AKAP6: variants seen among roughly 807,000 people sequenced by gnomAD.
AKAP6 encodes A-kinase anchor protein 6.
Under a neutral mutation model 188.5 loss-of-function variants are expected in AKAP6, and 58 were observed. The observed-to-expected ratio is 0.31, with a 90% confidence interval of 0.25 to 0.38. AKAP6 has a LOEUF of 0.38. Among genes scored for constraint, AKAP6 ranks in the 10% least tolerant of loss-of-function variants. The probability of loss-of-function intolerance (pLI) is 1.00; values close to 1 mark genes in which losing one functional copy is unlikely to be tolerated. For missense variants in AKAP6, 2,710 were observed against 2,740.0 expected (o/e 0.99, Z 0.24); for synonymous variants, 989 against 998.6 (o/e 0.99, Z 0.18).
At chr14:32,811,241 G>GAAAAAAAAAAAAAAAAAAAAA (rs529886144) in intron 12 of AKAP6, among the ~76,000 whole-genome samples, 7 of 55,584 alleles carry the variant, frequency 1.3e-4, no homozygotes, top group East Asian at 7.6e-4. Flanking sequence ...TCCGTCTCAG[G>GAAAAAAAAAAAAAAAAAAAAA]AAAAAAAAAA....
At chr14:32,343,884 CCTTTTCTCTAGCT>C (rs1281560260) in intron 1 of AKAP6, among the ~76,000 whole-genome samples, 1 of 152,016 alleles carries the variant, frequency 6.6e-6, no homozygotes, top group East Asian at 1.9e-4. Context: ...ACAACCTTTG[CCTTTTCTCTAGCT>C]CTCTGTGGTC....
At chr14:32,537,125 A>G (rs574163731) in intron 3 of AKAP6, among the ~76,000 whole-genome samples, 2 of 152,306 alleles carry the variant, frequency 1.3e-5, no homozygotes, top group South Asian at 2.1e-4. Context: ...CTCATAAATC[A>G]TTTATTGTTG....
chr14:32,786,296 A>ATGTTTTGTTTTTTTTTTT, intron 12 of AKAP6, among the ~76,000 whole-genome samples: 1 of 93,706 alleles, frequency 1.1e-5, no homozygotes, highest in Admixed American at 1.3e-4. Flanking sequence ...CTAAACCTTT[A>ATGTTTTGTTTTTTTTTTT]TCTTTTTTTT....
chr14:32,625,095 T>C (rs749372806), intron 7 of AKAP6, among the ~76,000 whole-genome samples: 2 of 152,250 alleles, frequency 1.3e-5, no homozygotes. Flanking sequence ...CTGCAAAGCA[T>C]ATTAAAATTA....
intron 12 of AKAP6, among the ~76,000 whole-genome samples, chr14:32,804,939 C>T (rs539691098): frequency 6.6e-6 from 1 of 152,310 alleles, no homozygotes; most frequent in East Asian, 1.9e-4. Context: ...CCCAACCCCA[C>T]AGGCAGTCAG....
chr14:32,667,781 GTTA>G (rs1232858537), intron 7 of AKAP6, among the ~76,000 whole-genome samples: 1 of 152,036 alleles, frequency 6.6e-6, no homozygotes, highest in African/African-American at 2.4e-5. Flanking sequence ...TAAATAAATT[GTTA>G]TTATTAGTAT....
At chr14:32,662,050 C>T (rs969019936) in intron 7 of AKAP6, among the ~76,000 whole-genome samples, 1 of 151,886 alleles carries the variant, frequency 6.6e-6, no homozygotes, top group African/African-American at 2.4e-5. Context: ...AGTAGGTGAA[C>T]CCAGGATTAC....
Position 32,830,133 on chromosome 14 carries a change from T to A in AKAP6, c.*328T>A. On this transcript the variant is annotated 3_prime_UTR_variant, in exon 14 of 14. Coordinates refer to ENST00000280979, the MANE Select transcript of AKAP6 (RefSeq NM_004274.5). ...CAGCTAGACTTTTCTCTTTGCCTCC[T>A]CCCTTCCCTTCCACTCTTTAAAGTT... 1 of 590,464 alleles carries A rather than the reference T, an allele frequency of 1.7e-6. No homozygotes were observed. Among genetic ancestry groups the A allele is most frequent in the East Asian group, 2.9e-5 (1 of 34,188 alleles). The allele number at this position is 590,464 out of a possible 1,614,324, so 36.6% of individuals were successfully genotyped here. A position where few individuals can be genotyped will look rare whatever the true frequency, so the allele number is the denominator to read the frequency against.
At chr14:32,663,828 T>C (rs2139585719) in intron 7 of AKAP6, among the ~76,000 whole-genome samples, 1 of 152,230 alleles carries the variant, frequency 6.6e-6, no homozygotes, top group Admixed American at 6.6e-5. Flanking sequence ...GTCAGATCTT[T>C]CCTTTAAATA....
At chr14:32,718,398 G>C in intron 9 of AKAP6, 1 of 898,256 alleles carries the variant, frequency 1.1e-6, no homozygotes, top group Non-Finnish European at 1.3e-6. Flanking sequence ...GTACCCAAAA[G>C]AAACAAAAAG....
At chr14:32,493,358 C>G (rs1339319788) in intron 2 of AKAP6, among the ~76,000 whole-genome samples, 5 of 152,082 alleles carry the variant, frequency 3.3e-5, no homozygotes, top group Non-Finnish European at 7.4e-5. Context: ...GCTTGTACCA[C>G]TACACCTGGC....
chr14:32,834,686 T>C lies in AKAP6; in HGVS notation c.*4881T>C, dbSNP rs938713577. 1 of 152,150 alleles carries C rather than the reference T, an allele frequency of 6.6e-6. No homozygotes were observed. Among genetic ancestry groups the C allele is most frequent in the Non-Finnish European group, 1.5e-5 (1 of 68,030 alleles). 9.4% of individuals were successfully genotyped at this position (152,150 alleles called of 1,614,324 possible). ...TTGATGGGTCTAGTTGTTTTCTCAT[T>C]GTTAAACTCAGGGTAAACTTTTTTT... On this transcript the variant is annotated 3_prime_UTR_variant, in exon 14 of 14. Coordinates refer to ENST00000280979, the MANE Select transcript of AKAP6 (RefSeq NM_004274.5).
chr14:32,461,165 C>A (rs1352791121), intron 2 of AKAP6, among the ~76,000 whole-genome samples: 2 of 152,150 alleles, frequency 1.3e-5, no homozygotes, highest in Non-Finnish European at 2.9e-5. Context: ...CCTGCCTGTT[C>A]TCTGAAATGA....
intron 1 of AKAP6, among the ~76,000 whole-genome samples, chr14:32,360,507 T>C (rs981042579): frequency 6.6e-6 from 1 of 152,200 alleles, no homozygotes; most frequent in Non-Finnish European, 1.5e-5. Flanking sequence ...ACCTGTTATA[T>C]TGGTGATTTT....
At chr14:32,387,979 GATTTTTTTGTTGGTA>G (rs1888589029) in intron 1 of AKAP6, among the ~76,000 whole-genome samples, 1 of 151,756 alleles carries the variant, frequency 6.6e-6, no homozygotes, top group Admixed American at 6.6e-5. Flanking sequence ...TCTGGTCCTG[GATTTTTTTGTTGGTA>G]ATTTTTAAAT....
At chr14:32,483,821 G>A (rs1879506540) in intron 2 of AKAP6, among the ~76,000 whole-genome samples, 1 of 151,916 alleles carries the variant, frequency 6.6e-6, no homozygotes, top group Non-Finnish European at 1.5e-5. Context: ...GGATACATAT[G>A]CAGAACGTGC....
intron 7 of AKAP6, among the ~76,000 whole-genome samples, chr14:32,614,508 A>T (rs1203547607): frequency 6.6e-6 from 1 of 152,206 alleles, no homozygotes; most frequent in Non-Finnish European, 1.5e-5. Context: ...ATTTGATATT[A>T]GGAAGTACAG....
chr14:32,678,409 A>G lies in AKAP6; in HGVS notation c.2829A>G (p.Arg943=), dbSNP rs776877574. Residue 943 remains arginine, a synonymous_variant, in exon 8 of 14, where the codon CGA becomes CGG. Transcript: ENST00000280979. ...YSEQYTSSSK[R]KEEFADMSKV... ...AGCAGTATACCAGCAGCAGCAAGCG[A>G]AAGGAAGAGTTTGCTGATATGTCAA... 5.0e-6 allele frequency: 8 copies of G among 1,613,850 alleles called. No individual in the cohort carries two copies. Among genetic ancestry groups the G allele is most frequent in the Non-Finnish European group, 6.8e-6 (8 of 1,179,900 alleles).
chr14:32,372,770 C>CTGTGTGTGTGTGTGTG (rs3031400), intron 1 of AKAP6, among the ~76,000 whole-genome samples: 1 of 147,486 alleles, frequency 6.8e-6, no homozygotes, highest in African/African-American at 2.5e-5. Context: ...TTTTGTTGCT[C>CTGTGTGTGTGTGTGTG]TGTGTGTGTG....
Sources: allele counts gnomAD v4.1 joint callset (sites outside exome capture counted in the v4.1 genomes callset), GRCh38; gene constraint gnomAD v4.1.1; transcripts MANE v1.5; gene names NCBI Gene and HGNC (gene_info 2026-07-23, HGNC 2026-07-21).